CREBBP: variants seen among roughly 807,000 people sequenced by gnomAD.
The protein encoded by CREBBP is CREB binding lysine acetyltransferase.
A neutral mutation model predicts 265.0 loss-of-function variants in CREBBP; 19 were observed. That is an observed-to-expected ratio of 0.07 (90% CI 0.05 to 0.11). The LOEUF is 0.11. Among genes scored for constraint, CREBBP ranks in the 10% least tolerant of loss-of-function variants. The pLI, the probability that CREBBP is intolerant of heterozygous loss-of-function variation, is 1.00. For synonymous variants in CREBBP, 1,457 were observed against 1,223.7 expected (o/e 1.19, Z -3.98); for missense variants, 2,525 against 3,219.0 (o/e 0.78, Z 5.22).
chr16:3,851,288 CAAAAAAAAAAAAAAAATTAA>C (rs2054829879), intron 1 of CREBBP, among the ~76,000 whole-genome samples: 2 of 22,866 alleles, frequency 8.7e-5, no homozygotes, highest in Admixed American at 5.1e-4. Flanking sequence ...AACACCGTCT[CAAAAAAAAAAAAAAAATTAA>C]AAAAAAAAAA....
rs1189151665 is a variant in CREBBP at position 3,727,186 on chromosome 16, T to C, written c.*532A>G. The C allele has an allele frequency of 4.1e-6, 1 of 244,036 alleles. No individual in the cohort carries two copies. The highest frequency in any genetic ancestry group is 8.0e-6 in the Non-Finnish European group (1 of 124,978). 15.1% of individuals were successfully genotyped at this position (244,036 alleles called of 1,614,324 possible). On this transcript the variant is annotated 3_prime_UTR_variant, in exon 31 of 31. Transcript: ENST00000262367. The stretch of plus-strand genomic sequence containing the variant: ...TGCACGCCGGAGTCAATTCCTATCA[T>C]CCAGGGTAATACTGGGAGACGCCCA...
rs768640793 is a variant in CREBBP at position 3,850,821 on chromosome 16, T to C, written c.274A>G (p.Ser92Gly). ...INPGIGNVSA[S>G]SPVQQGLGGQ... Reference sequence around the variant, plus strand: ...CCCAGGCCCTGCTGCACGGGGCTGCTGGCGCTCACATTTCCTATTCCTGGG... The same window carrying C: ...CCCAGGCCCTGCTGCACGGGGCTGCCGGCGCTCACATTTCCTATTCCTGGG... Residue 92 changes from serine to glycine, a missense_variant, in exon 2 of 31, where the codon AGC becomes GGC. By Grantham distance (56) the Ser-to-Gly change is moderately conservative. Around this residue, in one of 19 missense-constraint regions of CREBBP, gnomAD observed 356 missense variants for 340.4 expected, o/e 1.05. Coordinates refer to ENST00000262367, the MANE Select transcript of CREBBP (RefSeq NM_004380.3). The C allele has an allele frequency of 1.9e-6, 3 of 1,614,168 alleles. No individual in the cohort carries two copies. In the African/African-American group the frequency reaches 4.0e-5, roughly 22 times the overall value.
intron 28 of CREBBP, among the ~76,000 whole-genome samples, chr16:3,734,893 C>T (rs1010563482): frequency 6.6e-6 from 1 of 152,210 alleles, no homozygotes; most frequent in African/African-American, 2.4e-5. Context: ...AGTATGTCCC[C>T]AGCCGGCTCC....
At chr16:3,853,380 G>A (rs1022574167) in intron 1 of CREBBP, among the ~76,000 whole-genome samples, 2 of 152,162 alleles carry the variant, frequency 1.3e-5, no homozygotes, top group African/African-American at 4.8e-5. Context: ...GGAGGCCAAG[G>A]TAGGCGGATC....
At chr16:3,736,346 A>G in intron 27 of CREBBP, 143 bp from the exon 28 acceptor site, 1 of 889,516 alleles carries the variant, frequency 1.1e-6, no homozygotes, top group South Asian at 1.4e-5. Flanking sequence ...ACAGTGCAGC[A>G]GACCCCCACA....
chr16:3,815,533 A>G (rs893800015), intron 2 of CREBBP, among the ~76,000 whole-genome samples: 1 of 150,338 alleles, frequency 6.7e-6, no homozygotes, highest in Non-Finnish European at 1.5e-5. Flanking sequence ...TCCATCTCAA[A>G]AAAAAAAAAA....
At chr16:3,753,034 T>A (rs1259680200) in intron 19 of CREBBP, among the ~76,000 whole-genome samples, 1 of 152,160 alleles carries the variant, frequency 6.6e-6, no homozygotes, top group Non-Finnish European at 1.5e-5. Context: ...AGAATGAGTG[T>A]CAGGTAGCGA....
intron 1 of CREBBP, among the ~76,000 whole-genome samples, chr16:3,866,379 G>A (rs940643648): frequency 3.3e-5 from 5 of 152,002 alleles, no homozygotes; most frequent in African/African-American, 7.2e-5. Flanking sequence ...ATGATCAGAC[G>A]CCACACTAAA....
chr16:3,863,559 G>A (rs755509422), intron 1 of CREBBP, among the ~76,000 whole-genome samples: 14 of 152,092 alleles, frequency 9.2e-5, no homozygotes, highest in Non-Finnish European at 1.6e-4. Context: ...CCGAGATCGC[G>A]CCACTGCACT....
At chr16:3,790,091 A>G (rs2053472137) in intron 5 of CREBBP, among the ~76,000 whole-genome samples, 1 of 152,212 alleles carries the variant, frequency 6.6e-6, no homozygotes, top group Non-Finnish European at 1.5e-5. Flanking sequence ...TACAAACTTG[A>G]CAATGAATAT....
chr16:3,868,100 C>G (rs535600716), intron 1 of CREBBP, among the ~76,000 whole-genome samples: 2 of 152,084 alleles, frequency 1.3e-5, no homozygotes, highest in African/African-American at 4.8e-5. Flanking sequence ...TGGCTACGCA[C>G]AGTCCATCTC....
intron 19 of CREBBP, among the ~76,000 whole-genome samples, chr16:3,755,305 G>C (rs1218995046): frequency 2.6e-5 from 4 of 152,228 alleles, no homozygotes; most frequent in Non-Finnish European, 4.4e-5. Context: ...GCAAAGGCAG[G>C]GTACCAACGG....
chr16:3,729,588 T>A lies in CREBBP; in HGVS notation c.5459A>T (p.Lys1820Met). The A allele has an allele frequency of 6.2e-7, 1 of 1,614,212 alleles. No homozygotes were observed. Among genetic ancestry groups the A allele is most frequent in the Non-Finnish European group, 8.5e-7 (1 of 1,180,016 alleles). Residue 1820 changes from lysine to methionine, a missense_variant, in exon 31 of 31, where the codon AAG becomes ATG. Physicochemically the swap from Lys to Met is moderately conservative, Grantham distance 95. Coordinates refer to ENST00000262367, the MANE Select transcript of CREBBP (RefSeq NM_004380.3). ...RKTNGGCPVC[K>M]QLIALCCYHA... ...GTAGCAGCAGAGGGCGATGAGCTGC[T>A]TGCACACCGGGCAGCCCCCGTTGGT...
At chr16:3,846,535 A>G (rs1219121011) in intron 2 of CREBBP, among the ~76,000 whole-genome samples, 2 of 152,262 alleles carry the variant, frequency 1.3e-5, no homozygotes, top group Non-Finnish European at 2.9e-5. Flanking sequence ...TGAAAACAGC[A>G]AAATACTGGG....
chr16:3,756,037 AC>A (rs552812663), intron 19 of CREBBP, among the ~76,000 whole-genome samples: 40 of 152,338 alleles, frequency 2.6e-4, no homozygotes, highest in South Asian at 1.4e-3. Context: ...TTTAAAAAAA[AC>A]ATAGAAGAAT....
At chr16:3,786,747 G>A (rs1222497886) in intron 5 of CREBBP, among the ~76,000 whole-genome samples, 1 of 152,138 alleles carries the variant, frequency 6.6e-6, no homozygotes, top group Non-Finnish European at 1.5e-5. Context: ...AAATTCCCAA[G>A]GATACCAAGA....
chr16:3,795,964 T>C (rs1382841079), intron 3 of CREBBP, among the ~76,000 whole-genome samples: 2 of 152,190 alleles, frequency 1.3e-5, no homozygotes, highest in East Asian at 3.8e-4. Context: ...ACATGTCTTT[T>C]AGAGCTGGTG....
chr16:3,869,434 T>C (rs78698578), intron 1 of CREBBP, among the ~76,000 whole-genome samples: 5,867 of 152,318 alleles, frequency 0.039, 310 homozygotes, highest in East Asian at 0.2. Flanking sequence ...ATTTGGAGTC[T>C]TGCATCTTTA....
chr16:3,819,125 G>GA (rs1415931639), intron 2 of CREBBP, among the ~76,000 whole-genome samples: 3 of 152,244 alleles, frequency 2.0e-5, no homozygotes, highest in Non-Finnish European at 4.4e-5. Flanking sequence ...GCCTCTTTCT[G>GA]AAAAAACCAA....
Sources: gnomAD v4.1 joint callset for allele counts (sites outside exome capture counted in the v4.1 genomes callset) on GRCh38, gnomAD v4.1.1 for gene constraint, gnomAD v4.1.1 regional missense constraint, MANE v1.5 for transcripts, NCBI Gene and HGNC (gene_info 2026-07-23, HGNC 2026-07-21) for gene names.